The following TFAP2D variants were observed in gnomAD, a reference collection of about 807,000 sequenced individuals.
TFAP2D encodes the protein transcription factor AP-2 delta.
TFAP2D carries 9 observed loss-of-function variants against 43.6 expected under a neutral mutation model. That is an observed-to-expected ratio of 0.21 (90% CI 0.12 to 0.36). The LOEUF is 0.36. Among genes scored for constraint, TFAP2D ranks in the 10% least tolerant of loss-of-function variants. The pLI, the probability that TFAP2D is intolerant of heterozygous loss-of-function variation, is 1.00. For missense variants in TFAP2D, 513 were observed against 561.4 expected (o/e 0.91, Z 0.87); for synonymous variants, 256 against 224.9 (o/e 1.14, Z -1.24).
rs1178228257 is a variant in TFAP2D at position 50,715,535 on chromosome 6, G to A, written c.459G>A (p.Gln153=). The A allele has an allele frequency of 1.2e-6, 2 of 1,612,174 alleles. No individual in the cohort carries two copies. Among genetic ancestry groups the A allele is most frequent in the East Asian group, 2.2e-5 (1 of 44,832 alleles). The change falls in exon 2 of 8, where the codon CAG becomes CAA. Residue 153 remains glutamine, a synonymous_variant. Transcript: ENST00000008391. ...HDLSLMSHGS[Q]YGMHPDQRLL... is the part of the protein sequence containing the mutation. ...TGTCCCTCATGAGCCATGGCTCTCA[G>A]TATGGAATGCACCCAGATCAAAGAC... is the stretch of plus-strand genomic sequence containing the variant.
At position 50,714,021 on chromosome 6, in the gene TFAP2D, G is replaced by A; in HGVS notation, c.-35G>A. 1.2e-6 allele frequency: 2 copies of A among 1,611,900 alleles called. No homozygotes were observed. Among genetic ancestry groups the A allele is most frequent in the Non-Finnish European group, 1.7e-6 (2 of 1,179,484 alleles). ...TTTTCCCGATTCTTTTTTTGGAGGG[G>A]GAAATTGCATCGTAAGCTTTCGGAG... On this transcript the variant is annotated 5_prime_UTR_variant, in exon 1 of 8. Coordinates refer to ENST00000008391, the MANE Select transcript of TFAP2D (RefSeq NM_172238.4).
At chr6:50,739,164 T>C (rs1314252962) in intron 5 of TFAP2D, among the ~76,000 whole-genome samples, 1 of 152,172 alleles carries the variant, frequency 6.6e-6, no homozygotes, top group Non-Finnish European at 1.5e-5. Flanking sequence ...GTTGGTGTGC[T>C]GCACCCATTA....
Position 50,751,416 on chromosome 6 carries a change from T to C in TFAP2D, c.1139+92T>C. On this transcript the variant is annotated intron_variant, in intron 7 of 7. Coordinates refer to ENST00000008391, the MANE Select transcript of TFAP2D (RefSeq NM_172238.4). The stretch of plus-strand genomic sequence containing the variant: ...TCTATTTAGAGATACCACTTATATG[T>C]TTATATGGTGACTGTCCTAGTCCTT... The C allele has an allele frequency of 3.5e-6, 3 of 851,066 alleles. No individual in the cohort carries two copies. In the South Asian group the frequency reaches 4.5e-5, roughly 13 times the overall value. The allele number at this position is 851,066 out of a possible 1,614,324, so 52.7% of individuals were successfully genotyped here.
At chr6:50,740,769 C>T (rs2113880216) in intron 5 of TFAP2D, among the ~76,000 whole-genome samples, 1 of 152,226 alleles carries the variant, frequency 6.6e-6, no homozygotes, top group African/African-American at 2.4e-5. Flanking sequence ...GACTGTATAA[C>T]AGATTGAAAG....
intron 7 of TFAP2D, among the ~76,000 whole-genome samples, chr6:50,751,760 G>C (rs960881819): frequency 6.6e-6 from 1 of 151,870 alleles, no homozygotes; most frequent in Non-Finnish European, 1.5e-5. Context: ...TATGAATTTG[G>C]AGTGGGGTGG....
chr6:50,756,687 C>T (rs1320015636), intron 7 of TFAP2D, among the ~76,000 whole-genome samples: 7 of 151,980 alleles, frequency 4.6e-5, no homozygotes, highest in Non-Finnish European at 1.0e-4. Flanking sequence ...TTATAATTTA[C>T]TGAGTACCAT....
Position 50,770,314 on chromosome 6 carries a change from A to T in TFAP2D, c.1140-2331A>T, listed in dbSNP as rs147995184. On this transcript the variant is annotated intron_variant, in intron 7 of 7. Transcript: ENST00000008391. ...AAGACCTTGTAGCAGAGGTGTGGAT[A>T]TAGTAGTTGAGCAGTGATGATGTCT... Among the ~76,000 whole-genome samples, 288 of 152,340 alleles carry T rather than the reference A, an allele frequency of 1.9e-3. 1 individual carries two copies. The highest frequency in any genetic ancestry group is 6.8e-3 in the Middle Eastern group (2 of 294).
chr6:50,725,334 C>G (rs910075074), intron 3 of TFAP2D, among the ~76,000 whole-genome samples: 1 of 152,172 alleles, frequency 6.6e-6, no homozygotes, highest in Non-Finnish European at 1.5e-5. Context: ...TGATTTCTTA[C>G]CACTGTTACC....
At chr6:50,726,659 C>T (rs1390658163) in intron 3 of TFAP2D, among the ~76,000 whole-genome samples, 1 of 152,188 alleles carries the variant, frequency 6.6e-6, no homozygotes, top group Non-Finnish European at 1.5e-5. Context: ...TCAAAATTCT[C>T]ACAGTATGAC....
intron 2 of TFAP2D, among the ~76,000 whole-genome samples, chr6:50,717,798 A>G (rs1561930427): frequency 6.6e-6 from 1 of 152,256 alleles, no homozygotes; most frequent in Non-Finnish European, 1.5e-5. Flanking sequence ...AAAAAGAAAG[A>G]GTCATAGCTA....
chr6:50,740,600 A>C (rs1269000041), intron 5 of TFAP2D, among the ~76,000 whole-genome samples: 2 of 134,770 alleles, frequency 1.5e-5, no homozygotes, highest in Non-Finnish European at 3.3e-5. Context: ...ACCCAGCTAA[A>C]TATTTTTTTT....
chr6:50,754,654 TCAC>T (rs1293216171), intron 7 of TFAP2D, among the ~76,000 whole-genome samples: 1 of 151,952 alleles, frequency 6.6e-6, no homozygotes, highest in African/African-American at 2.4e-5. Flanking sequence ...CTCCATATCT[TCAC>T]CAAATAGTAG....
Position 50,751,243 on chromosome 6 carries a change from G to A in TFAP2D, c.1058G>A (p.Ser353Asn), listed in dbSNP as rs756406167. The A allele has an allele frequency of 1.5e-5, 24 of 1,611,330 alleles. No homozygotes were observed. Among genetic ancestry groups the A allele is most frequent in the Non-Finnish European group, 2.0e-5 (23 of 1,178,174 alleles). ...TGTAAAGAATTCCAAGACCTCTTGA[G>A]CCAAGATAGATCACCACTGGGATCC... ...QICKEFQDLL[S>N]QDRSPLGSSR... is the part of the protein sequence containing the mutation. The change falls in exon 7 of 8, where the codon AGC becomes AAC. Residue 353 changes from serine to asparagine, a missense_variant. Physicochemically the swap from Ser to Asn is conservative, Grantham distance 46. Coordinates refer to ENST00000008391, the MANE Select transcript of TFAP2D (RefSeq NM_172238.4).
chr6:50,714,215 C>G, intron 1 of TFAP2D, 121 bp downstream of exon 1: 1 of 1,051,100 alleles, frequency 9.5e-7, no homozygotes, highest in Non-Finnish European at 1.4e-6. Context: ...TGGACCGTTA[C>G]GTTTAATTAT....
chr6:50,735,808 A>G (rs1561935106), intron 5 of TFAP2D, among the ~76,000 whole-genome samples: 3 of 152,140 alleles, frequency 2.0e-5, no homozygotes, highest in Non-Finnish European at 4.4e-5. Flanking sequence ...TTTCCTATAG[A>G]TAAGGTCTAC....
chr6:50,756,371 A>T (rs1317148751), intron 7 of TFAP2D, among the ~76,000 whole-genome samples: 1 of 151,700 alleles, frequency 6.6e-6, no homozygotes, highest in African/African-American at 2.4e-5. Context: ...AGGCATAAAG[A>T]ATACTCTAAT....
chr6:50,718,391 G>A (rs1055764472), intron 2 of TFAP2D, among the ~76,000 whole-genome samples: 2 of 151,960 alleles, frequency 1.3e-5, no homozygotes, highest in Admixed American at 6.6e-5. Context: ...TACCTCGTTT[G>A]TTTGTAAAGG....
At chr6:50,715,084 T>G (rs200615331) in intron 1 of TFAP2D, 32 bp from the exon 2 acceptor site, 1 of 1,595,428 alleles carries the variant, frequency 6.3e-7, no homozygotes, top group African/African-American at 1.3e-5. Context: ...CTCAAGTTTT[T>G]CTGCTCTCCC....
At chr6:50,743,279 T>C (rs1185700121) in intron 5 of TFAP2D, among the ~76,000 whole-genome samples, 2 of 152,216 alleles carry the variant, frequency 1.3e-5, no homozygotes, top group African/African-American at 4.8e-5. Context: ...TTGCAATACC[T>C]TTTATATTAA....
Sources: allele counts gnomAD v4.1 joint callset (sites outside exome capture counted in the v4.1 genomes callset), GRCh38; gene constraint gnomAD v4.1.1; transcripts MANE v1.5; gene names NCBI Gene and HGNC (gene_info 2026-07-23, HGNC 2026-07-21).